The following MLIP variants were observed in gnomAD, a reference collection of about 807,000 sequenced individuals.
The protein encoded by MLIP is muscular LMNA interacting protein.
MLIP carries 79 observed loss-of-function variants against 84.8 expected under a neutral mutation model. The ratio of observed to expected loss-of-function variants is 0.93; its 90% CI spans 0.78 to 1.12. The LOEUF (loss-of-function observed/expected upper bound fraction) is 1.12. MLIP is among the 50% of genes most tolerant of loss of function. The pLI is 0.00. For missense variants in MLIP, 1,257 were observed against 1,160.6 expected, an observed-to-expected ratio of 1.08 and a Z score of -1.21; for synonymous variants, 504 against 463.0, an observed-to-expected ratio of 1.09 and a Z score of -1.14.
intron 1 of MLIP, among the ~76,000 whole-genome samples, chr6:54,050,117 C>T (rs1765291282): frequency 6.6e-6 from 1 of 152,036 alleles, no homozygotes; most frequent in Non-Finnish European, 1.5e-5. Context: ...TTAAAGTAAA[C>T]ATCTGAAGCT....
intron 11 of MLIP, chr6:54,217,635 A>G: frequency 1.0e-6 from 1 of 983,880 alleles, no homozygotes. Flanking sequence ...CTTTTCAAAA[A>G]TCAAGCTCCT....
chr6:54,190,834 C>T (rs546048299), intron 10 of MLIP, among the ~76,000 whole-genome samples: 4 of 144,668 alleles, frequency 2.8e-5, no homozygotes, highest in South Asian at 2.2e-4. Flanking sequence ...CTCGCTCTGT[C>T]GGCGAGGCTA....
At chr6:54,157,264 T>TGTAAGGCCTAAAA (rs1774125079) in intron 5 of MLIP, among the ~76,000 whole-genome samples, 1 of 152,094 alleles carries the variant, frequency 6.6e-6, no homozygotes, top group Admixed American at 6.6e-5. Context: ...TCGCATGTGG[T>TGTAAGGCCTAAAA]GTAAGGCCTA....
intron 1 of MLIP, among the ~76,000 whole-genome samples, chr6:54,057,335 C>G (rs1765719902): frequency 6.6e-6 from 1 of 152,180 alleles, no homozygotes. Flanking sequence ...GTTACAACTG[C>G]ATACGACTAC....
intron 1 of MLIP, among the ~76,000 whole-genome samples, chr6:54,099,878 G>A (rs1768514122): frequency 6.6e-6 from 1 of 152,098 alleles, no homozygotes; most frequent in South Asian, 2.1e-4. Flanking sequence ...AGATATAAGG[G>A]TATAAATGTA....
intron 2 of MLIP, among the ~76,000 whole-genome samples, chr6:54,122,376 G>A (rs1770531024): frequency 6.6e-6 from 1 of 152,040 alleles, no homozygotes; most frequent in Non-Finnish European, 1.5e-5. Flanking sequence ...AGACCAAGAT[G>A]GGAAGTGAAA....
At chr6:54,104,419 G>C (rs1326536535) in intron 1 of MLIP, among the ~76,000 whole-genome samples, 1 of 152,112 alleles carries the variant, frequency 6.6e-6, no homozygotes, top group African/African-American at 2.4e-5. Context: ...TTATTAAATA[G>C]TATTCCCAAC....
intron 9 of MLIP, among the ~76,000 whole-genome samples, chr6:54,184,609 G>A (rs1150876): frequency 0.94 from 143,533 of 152,270 alleles, 68,227 homozygotes; most frequent in East Asian, 1. Context: ...GTAGGAATTT[G>A]TCTTTCAATG....
At position 54,111,592 on chromosome 6, in the gene MLIP, G is replaced by T; in HGVS notation, c.96+17G>T. The T allele has an allele frequency of 6.5e-7, 1 of 1,535,846 alleles. No individual in the cohort carries two copies. Among genetic ancestry groups the T allele is most frequent in the Non-Finnish European group, 8.7e-7 (1 of 1,146,698 alleles). ...ACACCCCAGGTAAAAGGAAGTCTTT[G>T]CTTAATGCTTTCAGTAACTTTTAAA... On this transcript the variant is annotated intron_variant, in intron 1 of 13. Coordinates refer to ENST00000502396, the MANE Select transcript of MLIP (RefSeq NM_001281747.2).
chr6:54,054,891 C>CTT (rs56830731), intron 1 of MLIP, among the ~76,000 whole-genome samples: 50 of 145,852 alleles, frequency 3.4e-4, no homozygotes, highest in Admixed American at 2.5e-3. Flanking sequence ...TCATCACTAT[C>CTT]TTTTTTTTTT....
intron 1 of MLIP, among the ~76,000 whole-genome samples, chr6:54,100,752 TG>T (rs1479790247): frequency 1.3e-5 from 2 of 152,154 alleles, no homozygotes; most frequent in African/African-American, 4.8e-5. Context: ...TGTTAAGCAC[TG>T]GGGATGCACT....
intron 1 of MLIP, chr6:54,079,684 C>G (rs997938884): frequency 3.3e-5 from 5 of 152,154 alleles, no homozygotes; most frequent in Non-Finnish European, 5.9e-5. Flanking sequence ...GATAAATGAG[C>G]TTGATTCCTT....
intron 9 of MLIP, among the ~76,000 whole-genome samples, chr6:54,189,092 A>C (rs1193905012): frequency 6.6e-6 from 1 of 152,204 alleles, no homozygotes; most frequent in East Asian, 1.9e-4. Flanking sequence ...TTACTTTAGT[A>C]AGAAGGAAAC....
chr6:54,154,234 T>A (rs1402619540), intron 5 of MLIP, among the ~76,000 whole-genome samples: 6 of 152,140 alleles, frequency 3.9e-5, no homozygotes, highest in African/African-American at 1.4e-4. Context: ...TTCCACAGGC[T>A]CTTAAGGCAA....
Position 54,230,905 on chromosome 6 carries a change from C to T in MLIP, c.2910C>T (p.Asn970=), listed in dbSNP as rs755189361. Residue 970 remains asparagine (N), a synonymous_variant, in exon 12 of 14, where the codon AAC becomes AAT. Coordinates refer to ENST00000502396, the MANE Select transcript of MLIP (RefSeq NM_001281747.2). ...ATTCTCACACCCTCCTCAGTCACAA[C>T]GCATGCAACAAGGTGAGAACTCCTC... The part of the protein sequence containing the change: ...QENSHTLLSH[N]ACNKLSHPMV... The T allele has an allele frequency of 1.2e-5, 20 of 1,613,856 alleles. No homozygotes were observed. Among genetic ancestry groups the T allele is most frequent in the East Asian group, 6.7e-5 (3 of 44,860 alleles).
chr6:54,181,897 C>A (rs189344883), intron 9 of MLIP, among the ~76,000 whole-genome samples: 2 of 152,306 alleles, frequency 1.3e-5, no homozygotes, highest in African/African-American at 4.8e-5. Context: ...AGACAAAGTC[C>A]TCTTTACTCT....
At chr6:54,228,180 CAAAAAAAAAAAAAAAAAAAA>C (rs869112313) in intron 11 of MLIP, among the ~76,000 whole-genome samples, 3 of 75,814 alleles carry the variant, frequency 4.0e-5, no homozygotes, top group South Asian at 5.7e-4. Context: ...GAGACTGTCT[CAAAAAAAAAAAAAAAAAAAA>C]AAAAAAAAAA....
At chr6:54,210,176 G>A (rs1435106798) in intron 11 of MLIP, among the ~76,000 whole-genome samples, 1 of 151,824 alleles carries the variant, frequency 6.6e-6, no homozygotes, top group Admixed American at 6.6e-5. Context: ...CAGAGCCAGA[G>A]CAGCTGCTTG....
At chr6:54,042,817 A>C (rs1764822785) in intron 1 of MLIP, among the ~76,000 whole-genome samples, 1 of 152,172 alleles carries the variant, frequency 6.6e-6, no homozygotes, top group African/African-American at 2.4e-5. Flanking sequence ...CGTATGTCAC[A>C]ATTTCTTGAA....
Sources: allele counts gnomAD v4.1 joint callset (sites outside exome capture counted in the v4.1 genomes callset), GRCh38; gene constraint gnomAD v4.1.1; transcripts MANE v1.5; gene names NCBI Gene and HGNC (gene_info 2026-07-23, HGNC 2026-07-21).